EPS15: variants seen among roughly 807,000 people sequenced by gnomAD.
EPS15 encodes the protein epidermal growth factor receptor substrate 15.
Under a neutral mutation model 113.8 loss-of-function variants are expected in EPS15, and 72 were observed. That is an observed-to-expected ratio of 0.63 (90% CI 0.52 to 0.77). EPS15 has a LOEUF of 0.77. Ranked by LOEUF, EPS15 falls within the 30% of genes least tolerant of loss-of-function variation. The pLI is 0.00. For missense variants in EPS15, 1,048 were observed against 1,045.8 expected, an observed-to-expected ratio of 1.00 and a Z score of -0.03; for synonymous variants, 344 against 363.4, an observed-to-expected ratio of 0.95 and a Z score of 0.61.
intron 13 of EPS15, among the ~76,000 whole-genome samples, chr1:51,412,501 C>T (rs1168507232): frequency 6.6e-6 from 1 of 152,156 alleles, no homozygotes; most frequent in African/African-American, 2.4e-5. Context: ...TCATGAAAGA[C>T]TTTCCAGTGC....
chr1:51,404,377 CAAAAA>C (rs35682249), intron 16 of EPS15, among the ~76,000 whole-genome samples: 1 of 99,732 alleles, frequency 1.0e-5, no homozygotes. Context: ...GACTCCGTCT[CAAAAA>C]AAAAAAAAAA....
chr1:51,440,016 T>C lies in EPS15; in HGVS notation c.1040+331A>G, dbSNP rs113573629. On this transcript the variant is annotated intron_variant, in intron 12 of 24. Transcript: ENST00000371733. ...TCAGTCATTCTAGGATATACGTTTT[T>C]TCGCATTTTTCTCTAAATGAAATCA... Among the ~76,000 whole-genome samples, 1,241 of 152,214 alleles carry C rather than the reference T, an allele frequency of 8.2e-3. 13 individuals are homozygous for C. Among genetic ancestry groups the C allele is most frequent in the African/African-American group, 0.029 (1,196 of 41,560 alleles).
intron 21 of EPS15, among the ~76,000 whole-genome samples, chr1:51,389,884 T>C (rs1425058640): frequency 2.6e-5 from 4 of 152,186 alleles, no homozygotes; most frequent in East Asian, 3.8e-4. Context: ...AAAATGGCCA[T>C]ACTGCCCAAG....
At chr1:51,518,147 G>A (rs754429511) in intron 1 of EPS15, among the ~76,000 whole-genome samples, 2 of 152,154 alleles carry the variant, frequency 1.3e-5, no homozygotes, top group Non-Finnish European at 2.9e-5. Flanking sequence ...GGTCACAGGA[G>A]CAGGAAGGAA....
At chr1:51,513,553 C>A (rs890306604) in intron 1 of EPS15, among the ~76,000 whole-genome samples, 1 of 152,100 alleles carries the variant, frequency 6.6e-6, no homozygotes, top group Non-Finnish European at 1.5e-5. Flanking sequence ...AGAATGGCTG[C>A]CTCTGGGAAA....
At chr1:51,386,551 C>A (rs560192011) in intron 21 of EPS15, among the ~76,000 whole-genome samples, 1 of 152,166 alleles carries the variant, frequency 6.6e-6, no homozygotes, top group African/African-American at 2.4e-5. Flanking sequence ...TCCAACAGAC[C>A]TGCAGCTGAG....
In EPS15 at chr1:51,478,845, C is replaced by T. The variant is rs1340455620; in HGVS notation, c.75+2428G>A. Among the ~76,000 whole-genome samples, 5 of 152,296 alleles carry T rather than the reference C, an allele frequency of 3.3e-5. No homozygotes were observed. The South Asian group carries it at 1.0e-3, about 32-fold the overall frequency. On this transcript the variant is annotated intron_variant, in intron 2 of 24. Coordinates refer to ENST00000371733, the MANE Select transcript of EPS15 (RefSeq NM_001981.3). Reference sequence around the variant, plus strand: ...GATCAGCTGTTAGTCTGATGGGCTTCCCTTTGTGGGTAACGCGACCTTTCT... The same window carrying T: ...GATCAGCTGTTAGTCTGATGGGCTTTCCTTTGTGGGTAACGCGACCTTTCT...
At chr1:51,483,612 C>A (rs1302889757) in intron 1 of EPS15, among the ~76,000 whole-genome samples, 1 of 151,918 alleles carries the variant, frequency 6.6e-6, no homozygotes, top group Non-Finnish European at 1.5e-5. Context: ...TCAAGACCAT[C>A]TTGGCCAACA....
At chr1:51,481,360 C>A (rs141669796) in intron 1 of EPS15, 46 bp from the exon 2 acceptor site, 864 of 837,644 alleles carry the variant, frequency 1.0e-3, no homozygotes, top group Admixed American at 1.4e-3. Flanking sequence ...TCATTAACTT[C>A]TATTAACATA....
intron 8 of EPS15, among the ~76,000 whole-genome samples, chr1:51,450,344 G>C (rs1018691609): frequency 6.6e-5 from 10 of 151,662 alleles, no homozygotes; most frequent in Non-Finnish European, 1.3e-4. Context: ...AGTTCTGCAG[G>C]GTGTACCAAG....
At chr1:51,489,913 AC>A (rs1273640570) in intron 1 of EPS15, among the ~76,000 whole-genome samples, 4 of 152,230 alleles carry the variant, frequency 2.6e-5, no homozygotes, top group Admixed American at 2.6e-4. Flanking sequence ...ACAGAGCAGA[AC>A]CATAGCTGAT....
At chr1:51,457,510 CTTTTTTTTTTTT>C (rs34245440) in intron 8 of EPS15, 2 of 70,728 alleles carry the variant, frequency 2.8e-5, no homozygotes, top group African/African-American at 1.1e-4. Context: ...GGAATATTAT[CTTTTTTTTTTTT>C]TTTTTTTTTT....
At chr1:51,432,018 A>G (rs1651774137) in intron 12 of EPS15, among the ~76,000 whole-genome samples, 1 of 152,150 alleles carries the variant, frequency 6.6e-6, no homozygotes, top group South Asian at 2.1e-4. Flanking sequence ...ATAAAAATAC[A>G]TTTACTGGCT....
rs1319531149 is a variant in EPS15, at chr1:51,355,695, A to C, written c.*1005T>G. ...TATTCAGTGAAAGTTTTTACATTTC[A>C]AGTAAATGAGCCTTCATTAAAAAAA... is the stretch of plus-strand genomic sequence containing the variant. On this transcript the variant is annotated 3_prime_UTR_variant, in exon 25 of 25. Transcript: ENST00000371733. 2 of 188,592 alleles carry C rather than the reference A, an allele frequency of 1.1e-5. No individual in the cohort carries two copies. The highest frequency in any genetic ancestry group is 2.4e-5 in the African/African-American group (1 of 42,452). The allele number at this position is 188,592 out of a possible 1,614,324, so 11.7% of individuals were successfully genotyped here.
At chr1:51,402,637 C>T (rs1648690546) in intron 17 of EPS15, 112 bp from the exon 18 acceptor site, 2 of 569,318 alleles carry the variant, frequency 3.5e-6, no homozygotes, top group Non-Finnish European at 6.1e-6. Context: ...GAAAAATCAA[C>T]TGATGGGCCA....
At chr1:51,433,615 G>A (rs1651909669) in intron 12 of EPS15, among the ~76,000 whole-genome samples, 1 of 152,212 alleles carries the variant, frequency 6.6e-6, no homozygotes, top group Non-Finnish European at 1.5e-5. Context: ...TGGAAATGAA[G>A]ACTAGTTCAT....
intron 1 of EPS15, among the ~76,000 whole-genome samples, chr1:51,488,258 C>T (rs72691880): frequency 0.03 from 4,562 of 152,024 alleles, 74 homozygotes; most frequent in African/African-American, 0.05. Context: ...CTCCAACTGT[C>T]AAAATCAAAA....
At chr1:51,458,785 C>T (rs1266210952) in intron 8 of EPS15, 1 of 225,914 alleles carries the variant, frequency 4.4e-6, no homozygotes, top group East Asian at 1.5e-4. Context: ...CTCATTACAT[C>T]GTACCATGCA....
Position 51,476,724 on chromosome 1 carries a change from T to C in EPS15, c.76-3776A>G, listed in dbSNP as rs139094638. Among the ~76,000 whole-genome samples, 132 of 152,304 alleles carry C rather than the reference T, an allele frequency of 8.7e-4. 3 individuals are homozygous for C. In the East Asian group the frequency reaches 0.019, roughly 21 times the overall value. On this transcript the variant is annotated intron_variant, in intron 2 of 24. Transcript: ENST00000371733. The stretch of plus-strand genomic sequence containing the variant: ...CAGTTCTGCTCTGATCTTAGTTATT[T>C]CTCATTGGTTCCATTTATATGCTGG...
Sources: allele counts gnomAD v4.1 joint callset (sites outside exome capture counted in the v4.1 genomes callset), GRCh38; gene constraint gnomAD v4.1.1; transcripts MANE v1.5; gene names NCBI Gene and HGNC (gene_info 2026-07-23, HGNC 2026-07-21).